Variants in EFHC1 observed in about 807,000 individuals in gnomAD.
The protein encoded by EFHC1 is EF-hand domain containing 1, also known as EF-hand domain-containing protein 1.
Under a neutral mutation model 69.9 loss-of-function variants are expected in EFHC1, and 53 were observed. That is an observed-to-expected ratio of 0.76 (90% CI 0.61 to 0.95). The LOEUF is 0.95. Among genes scored for constraint, EFHC1 ranks in the 40% least tolerant of loss-of-function variants. The pLI, the probability that EFHC1 is intolerant of heterozygous loss-of-function variation, is 0.00. For synonymous variants in EFHC1, 256 were observed against 278.4 expected (o/e 0.92, Z 0.80); for missense variants, 739 against 798.7 (o/e 0.93, Z 0.90).
intron 3 of EFHC1, among the ~76,000 whole-genome samples, chr6:52,441,854 T>C (rs1029365750): frequency 6.6e-6 from 1 of 152,302 alleles, no homozygotes; most frequent in African/African-American, 2.4e-5. Flanking sequence ...CTTATTCTTT[T>C]TGTGACAGTT....
At chr6:52,420,643 C>T (rs1764168782) in intron 1 of EFHC1, among the ~76,000 whole-genome samples, 170 bp downstream of exon 1, 1 of 152,150 alleles carries the variant, frequency 6.6e-6, no homozygotes, top group Admixed American at 6.5e-5. Flanking sequence ...CCGTTCTTCC[C>T]TAGCCATCCT....
Position 52,432,684 on chromosome 6 carries a change from G to T in EFHC1, c.286-5620G>T, listed in dbSNP as rs1369307555. Reference sequence around the variant, plus strand: ...AATAACCTGAGGAAAGTGTGCCTAGGTGATGATCTTTTTGTAGTGAATTTC... The same window carrying T: ...AATAACCTGAGGAAAGTGTGCCTAGTTGATGATCTTTTTGTAGTGAATTTC... On this transcript the variant is annotated intron_variant, in intron 2 of 10. Coordinates refer to ENST00000371068, the MANE Select transcript of EFHC1 (RefSeq NM_018100.4). Among the ~76,000 whole-genome samples, 3 of 152,086 alleles carry T rather than the reference G, an allele frequency of 2.0e-5. 1 individual carries two copies. The East Asian group carries it at 5.8e-4, about 29-fold the overall frequency.
chr6:52,427,999 C>T (rs1277977546), intron 2 of EFHC1, among the ~76,000 whole-genome samples: 1 of 152,118 alleles, frequency 6.6e-6, no homozygotes, highest in Non-Finnish European at 1.5e-5. Flanking sequence ...TAGTCACAAT[C>T]TCTAATTTCC....
intron 3 of EFHC1, among the ~76,000 whole-genome samples, chr6:52,447,190 C>T (rs1764806758): frequency 6.6e-6 from 1 of 152,224 alleles, no homozygotes; most frequent in Admixed American, 6.5e-5. Context: ...CCATCACTTT[C>T]AGGTACACCA....
intron 3 of EFHC1, among the ~76,000 whole-genome samples, chr6:52,445,563 G>T (rs904837614): frequency 4.0e-5 from 6 of 151,186 alleles, no homozygotes; most frequent in African/African-American, 1.5e-4. Flanking sequence ...ATCTCCTTCA[G>T]TTCTGCTCTG....
Position 52,479,250 on chromosome 6 carries a change from G to A in EFHC1, c.1492G>A (p.Val498Met), listed in dbSNP as rs1765615786. Residue 498 changes from valine to methionine, a missense_variant and splice_region_variant, in exon 8 of 11, where the codon GTG becomes ATG. Transcript: ENST00000371068. ...SDFFIGAVIE[V>M]FGHRFIILDT... ...CTTCTTCATTGGTGCTGTGATTGAA[G>A]GTAGGTCTAAACACAGTCCAGAATT... The A allele has an allele frequency of 6.2e-7, 1 of 1,613,918 alleles. No homozygotes were observed. The highest frequency in any genetic ancestry group is 1.3e-5 in the African/African-American group (1 of 75,036).
chr6:52,457,672 C>A (rs1765073297), intron 5 of EFHC1, among the ~76,000 whole-genome samples: 1 of 152,120 alleles, frequency 6.6e-6, no homozygotes, highest in African/African-American at 2.4e-5. Context: ...CAAAACAGGA[C>A]ATCTTTTGAC....
intron 6 of EFHC1, among the ~76,000 whole-genome samples, chr6:52,465,460 TATTTTATTTTGAAAAAAATAAAATAGAC>T (rs1268165585): frequency 1.3e-5 from 2 of 152,174 alleles, no homozygotes; most frequent in East Asian, 1.9e-4. Flanking sequence ...ATTTGTTGTC[TATTTTATTTTGAAAAAAATAAAATAGAC>T]ATTTTATTTT....
intron 9 of EFHC1, chr6:52,487,907 C>A (rs1765819810): frequency 6.6e-6 from 1 of 152,264 alleles, no homozygotes. Flanking sequence ...ACTTGCAGCT[C>A]TTTTCCAGAG....
At position 52,469,410 on chromosome 6, in the gene EFHC1, A is replaced by G; in HGVS notation, c.1215A>G (p.Pro405=). ...GTTTTGCTCTCATTCCAAAAGCTCC[A>G]AAAAAAGACGTTATTAAAATGCTGG... ...QNCFALIPKA[P]KKDVIKMLVN... The change falls in exon 7 of 11, where the codon CCA becomes CCG. Residue 405 remains proline (P), a synonymous_variant. Coordinates refer to ENST00000371068, the MANE Select transcript of EFHC1 (RefSeq NM_018100.4). 1 of 1,613,986 alleles carries G rather than the reference A, an allele frequency of 6.2e-7. No individual in the cohort carries two copies. The highest frequency in any genetic ancestry group is 1.3e-5 in the African/African-American group (1 of 75,034).
intron 3 of EFHC1, among the ~76,000 whole-genome samples, chr6:52,446,162 T>C (rs1764779832): frequency 6.6e-6 from 1 of 152,192 alleles, no homozygotes; most frequent in South Asian, 2.1e-4. Flanking sequence ...CAGTGGGGTG[T>C]TAAAGTCTCC....
In EFHC1 at chr6:52,424,005, A is replaced by C; in HGVS notation, c.123A>C (p.Arg41=). 6.2e-7 allele frequency: 1 copy of C among 1,614,144 alleles called. No individual in the cohort carries two copies. Among genetic ancestry groups the C allele is most frequent in the Non-Finnish European group, 8.5e-7 (1 of 1,180,026 alleles). ...ACAGGAACGGCTATGCAATTGTTCGACGTCCAACAGTTGGGATAGGCGGAG... is the reference window on the plus strand; with the variant it reads ...ACAGGAACGGCTATGCAATTGTTCGCCGTCCAACAGTTGGGATAGGCGGAG... The part of the protein sequence containing the change: ...LSYRNGYAIV[R]RPTVGIGGDR... The change falls in exon 2 of 11, where the codon CGA becomes CGC. Residue 41 remains arginine, a synonymous_variant. Coordinates refer to ENST00000371068, the MANE Select transcript of EFHC1 (RefSeq NM_018100.4).
intron 3 of EFHC1, among the ~76,000 whole-genome samples, chr6:52,444,923 C>T (rs1764746412): frequency 6.6e-6 from 1 of 152,104 alleles, no homozygotes; most frequent in Admixed American, 6.5e-5. Flanking sequence ...TGGTCCTGGA[C>T]TGTTTTTGGT....
intron 4 of EFHC1, chr6:52,453,359 C>A: frequency 7.8e-7 from 1 of 1,287,178 alleles, no homozygotes; most frequent in Non-Finnish European, 1.0e-6. Flanking sequence ...TCCAACCTTC[C>A]TAATCCTCTC....
chr6:52,438,543 A>T lies in EFHC1; in HGVS notation c.525A>T (p.Thr175=). 1 of 1,614,046 alleles carries T rather than the reference A, an allele frequency of 6.2e-7. No individual in the cohort carries two copies. Among genetic ancestry groups the T allele is most frequent in the Non-Finnish European group, 8.5e-7 (1 of 1,179,946 alleles). ...ACCTAAATCGAGGAATAAACATCAC[A>T]ATTTATGGCAAAACTTTCCGCGTTG... ...WKDLNRGINI[T]IYGKTFRVVD... is the part of the protein sequence containing the mutation. Residue 175 remains threonine (T), a synonymous_variant, in exon 3 of 11, where the codon ACA becomes ACT. Coordinates refer to ENST00000371068, the MANE Select transcript of EFHC1 (RefSeq NM_018100.4).
intron 7 of EFHC1, among the ~76,000 whole-genome samples, chr6:52,475,756 C>G (rs367851500): frequency 4.6e-5 from 7 of 152,156 alleles, no homozygotes; most frequent in African/African-American, 1.7e-4. Context: ...AAGGACTACT[C>G]TGGGCTAGAT....
chr6:52,463,221 G>A lies in EFHC1; in HGVS notation c.917-1674G>A, dbSNP rs145586885. On this transcript the variant is annotated intron_variant, in intron 5 of 10. Coordinates refer to ENST00000371068, the MANE Select transcript of EFHC1 (RefSeq NM_018100.4). The stretch of plus-strand genomic sequence containing the variant: ...TTTTTTTTTTTTTTTTGTATTTTTA[G>A]TAGAGACAGAGTTTCACCGTGTTAG... Among the ~76,000 whole-genome samples the A allele has an allele frequency of 6.0e-3, 818 of 136,344 alleles. 8 individuals are homozygous for A. Among genetic ancestry groups the A allele is most frequent in the African/African-American group, 0.021 (768 of 36,766 alleles). The allele number at this position is 136,344 out of a possible 152,430, so 89.4% of individuals were successfully genotyped here.
rs769799699 is a variant in EFHC1 at position 52,479,766 on chromosome 6, C to G, written c.1619C>G (p.Ala540Gly). The change falls in exon 9 of 11, where the codon GCG becomes GGG. Residue 540 changes from alanine to glycine, a missense_variant. Coordinates refer to ENST00000371068, the MANE Select transcript of EFHC1 (RefSeq NM_018100.4). ...CAGAACCATGTCCGAAAGCGAGAAGCGCCTGCTCCAGAAGCAGAAAGGTGT... is the reference window on the plus strand; with the variant it reads ...CAGAACCATGTCCGAAAGCGAGAAGGGCCTGCTCCAGAAGCAGAAAGGTGT... ...SIQNHVRKRE[A>G]PAPEAESKQT... The G allele has an allele frequency of 1.2e-6, 2 of 1,614,140 alleles. No individual in the cohort carries two copies. The highest frequency in any genetic ancestry group is 2.2e-5 in the South Asian group (2 of 91,086).
At chr6:52,459,874 C>T (rs1233143469) in intron 5 of EFHC1, among the ~76,000 whole-genome samples, 1 of 152,146 alleles carries the variant, frequency 6.6e-6, no homozygotes, top group Non-Finnish European at 1.5e-5. Context: ...TGGGGTTTCA[C>T]CATGTTAGCC....
Sources: gnomAD v4.1 joint callset for allele counts (sites outside exome capture counted in the v4.1 genomes callset) on GRCh38, gnomAD v4.1.1 for gene constraint, MANE v1.5 for transcripts, NCBI Gene and HGNC (gene_info 2026-07-23, HGNC 2026-07-21) for gene names.